The following FNIP1 variants were observed in gnomAD, a reference collection of about 807,000 sequenced individuals.
The protein encoded by FNIP1 is folliculin interacting protein 1.
Under a neutral mutation model 124.5 loss-of-function variants are expected in FNIP1, and 40 were observed. The ratio of observed to expected loss-of-function variants is 0.32; its 90% confidence interval spans 0.25 to 0.42. The LOEUF is 0.42. Among genes scored for constraint, FNIP1 ranks in the 10% least tolerant of loss-of-function variants. FNIP1 has a pLI of 1.00. For synonymous variants in FNIP1, 472 were observed against 470.6 expected, an observed-to-expected ratio of 1.00 and a Z score of -0.04; for missense variants, 1,176 against 1,403.7, an observed-to-expected ratio of 0.84 and a Z score of 2.59.
rs565574119 is a variant in FNIP1, at chr5:131,756,010, C to CA, written c.93-11321dup. Among the ~76,000 whole-genome samples the CA allele has an allele frequency of 3.7e-3, 413 of 112,038 alleles. 5 individuals carry two copies. The highest frequency in any genetic ancestry group is 0.025 in the South Asian group (89 of 3,580). The allele number at this position is 112,038 out of a possible 152,430, so 73.5% of individuals were successfully genotyped here. A position where few individuals can be genotyped will look rare whatever the true frequency, so the allele number is the denominator to read the frequency against. ...AGCCTGGGCGACAGAGAGACTGTGT[C>CA]AAAAAAAAAAAAAGGTTAATGAAGA... On this transcript the variant is annotated intron_variant, in intron 1 of 17. Transcript: ENST00000510461.
intron 13 of FNIP1, 23 bp from the exon 14 acceptor site, chr5:131,672,947 T>C (rs970120259): frequency 2.1e-5 from 32 of 1,488,896 alleles, no homozygotes; most frequent in Non-Finnish European, 2.7e-5. Flanking sequence ...AAATCAGTTA[T>C]TGGACATGTC....
Position 131,744,787 on chromosome 5 carries a change from A to C in FNIP1, c.93-97T>G, listed in dbSNP as rs532821712. The C allele has an allele frequency of 2.4e-5, 22 of 899,234 alleles. No homozygotes were observed. The South Asian group carries it at 7.4e-4, about 30-fold the overall frequency. The allele number at this position is 899,234 out of a possible 1,614,324, so 55.7% of individuals were successfully genotyped here. The stretch of plus-strand genomic sequence containing the variant: ...GAAATAAATCTATATAATAAAGCCC[A>C]AAATTATCTTATTGTTAAATAATAT... On this transcript the variant is annotated intron_variant, in intron 1 of 17. Transcript: ENST00000510461.
At chr5:131,786,512 C>T (rs1772224660) in intron 1 of FNIP1, among the ~76,000 whole-genome samples, 1 of 152,146 alleles carries the variant, frequency 6.6e-6, no homozygotes, top group African/African-American at 2.4e-5. Flanking sequence ...TAGAGGCTAC[C>T]ACTAGAGGAC....
rs114537216 is a variant in FNIP1 at position 131,765,780 on chromosome 5, T to C, written c.93-21090A>G. ...TTCAGCAGAATTTCATCCTTGACCT[T>C]CATGACACTTACTAAATACCCCACT... On this transcript the variant is annotated intron_variant, in intron 1 of 17. Transcript: ENST00000510461. Among the ~76,000 whole-genome samples the C allele has an allele frequency of 3.0e-3, 462 of 152,318 alleles. 2 individuals are homozygous for C. The highest frequency in any genetic ancestry group is 4.9e-3 in the Non-Finnish European group (336 of 68,034).
chr5:131,788,818 G>A (rs753688451), intron 1 of FNIP1, among the ~76,000 whole-genome samples: 6 of 151,674 alleles, frequency 4.0e-5, no homozygotes, highest in Non-Finnish European at 8.8e-5. Flanking sequence ...ACTACTTAGG[G>A]ATGAAAAAGC....
intron 1 of FNIP1, among the ~76,000 whole-genome samples, chr5:131,777,385 C>A (rs1771846101): frequency 1.3e-5 from 2 of 151,384 alleles, no homozygotes; most frequent in Admixed American, 1.3e-4. Flanking sequence ...CTGTTCCTAC[C>A]AAAAGGAACT....
At chr5:131,662,901 G>C (rs1174646578) in intron 15 of FNIP1, among the ~76,000 whole-genome samples, 1 of 151,952 alleles carries the variant, frequency 6.6e-6, no homozygotes, top group Non-Finnish European at 1.5e-5. Context: ...CATTGTGCCT[G>C]ATGGCTACTT....
intron 15 of FNIP1, among the ~76,000 whole-genome samples, chr5:131,657,736 CAAAAAAAA>C (rs59097834): frequency 3.1e-5 from 2 of 65,056 alleles, no homozygotes; most frequent in Non-Finnish European, 5.3e-5. Flanking sequence ...GAAAATAAGG[CAAAAAAAA>C]AAAAAAAAAA....
At chr5:131,653,896 C>T (rs1351593879) in intron 15 of FNIP1, among the ~76,000 whole-genome samples, 1 of 152,124 alleles carries the variant, frequency 6.6e-6, no homozygotes, top group African/African-American at 2.4e-5. Context: ...TGTGTGCCAC[C>T]ACGCCCGGCT....
chr5:131,760,353 T>C (rs780102561), intron 1 of FNIP1, among the ~76,000 whole-genome samples: 3 of 152,216 alleles, frequency 2.0e-5, no homozygotes, highest in Non-Finnish European at 2.9e-5. Flanking sequence ...TGTATCTCAA[T>C]ACATTAAAAA....
chr5:131,783,269 G>A (rs1440874368), intron 1 of FNIP1, among the ~76,000 whole-genome samples: 1 of 151,996 alleles, frequency 6.6e-6, no homozygotes, highest in Admixed American at 6.6e-5. Context: ...GGACTTCAGA[G>A]AAAGAGGTTG....
intron 11 of FNIP1, among the ~76,000 whole-genome samples, chr5:131,691,854 G>C (rs543904670): frequency 9.2e-5 from 14 of 152,172 alleles, no homozygotes; most frequent in African/African-American, 2.9e-4. Flanking sequence ...AGAATAAAGG[G>C]GAACTACCTC....
intron 2 of FNIP1, among the ~76,000 whole-genome samples, chr5:131,732,168 T>C (rs1580793214): frequency 6.6e-6 from 1 of 152,242 alleles, no homozygotes; most frequent in Admixed American, 6.5e-5. Context: ...CAGTGCTTTA[T>C]CACAGTTACC....
At chr5:131,671,470 A>T (rs377426503) in intron 14 of FNIP1, 35 bp downstream of exon 14, 289 of 1,490,306 alleles carry the variant, frequency 1.9e-4, no homozygotes, top group Non-Finnish European at 2.4e-4. Context: ...ACATATTTAT[A>T]TAGGGCCCAT....
chr5:131,787,899 T>C lies in FNIP1; in HGVS notation c.92+8931A>G, dbSNP rs6896913. ...GCCAACGTGGGACCACTGCTCGAAG[T>C]GAAGTTTGAGGCTGCAGTGAGCTAG... On this transcript the variant is annotated intron_variant, in intron 1 of 17. Transcript: ENST00000510461. 3.8e-3 allele frequency among the ~76,000 whole-genome samples: 572 copies of C among 152,220 alleles called. 4 individuals are homozygous for C. The highest frequency in any genetic ancestry group is 0.013 in the African/African-American group (559 of 41,526).
intron 1 of FNIP1, among the ~76,000 whole-genome samples, chr5:131,789,492 ATATT>A (rs1238829262): frequency 2.6e-5 from 4 of 152,180 alleles, no homozygotes; most frequent in Non-Finnish European, 5.9e-5. Context: ...GCACTACAGA[ATATT>A]TATCCTATAG....
Position 131,672,940 on chromosome 5 carries a change from T to C in FNIP1, c.1520-16A>G, listed in dbSNP as rs1345451119. ...TACAAGTCTCCTGTAATGGAAAAAATCAGTTATTGGACATGTCCTTTACTG... is the reference window on the plus strand; with the variant it reads ...TACAAGTCTCCTGTAATGGAAAAAACCAGTTATTGGACATGTCCTTTACTG... On this transcript the variant is annotated splice_polypyrimidine_tract_variant and intron_variant, in intron 13 of 17. Coordinates refer to ENST00000510461, the MANE Select transcript of FNIP1 (RefSeq NM_133372.3). The C allele has an allele frequency of 6.6e-7, 1 of 1,508,990 alleles. No individual in the cohort carries two copies. The highest frequency in any genetic ancestry group is 8.9e-7 in the Non-Finnish European group (1 of 1,128,566). 93.5% of individuals were successfully genotyped at this position (1,508,990 alleles called of 1,614,324 possible).
rs979646425 is a variant in FNIP1 at position 131,643,606 on chromosome 5, T to G, written c.*1079A>C. The G allele has an allele frequency of 1.3e-5, 2 of 152,502 alleles. No individual in the cohort carries two copies. Among genetic ancestry groups the G allele is most frequent in the Non-Finnish European group, 2.9e-5 (2 of 67,962 alleles). 9.4% of individuals were successfully genotyped at this position (152,502 alleles called of 1,614,324 possible). A position where few individuals can be genotyped will look rare whatever the true frequency, so the allele number is the denominator to read the frequency against. ...AAAGGCAACAATTGAGAAGTGAAAA[T>G]CTTTGAAAAAAATACACTTTTGGAA... On this transcript the variant is annotated 3_prime_UTR_variant, in exon 18 of 18. Coordinates refer to ENST00000510461, the MANE Select transcript of FNIP1 (RefSeq NM_133372.3).
In FNIP1 at chr5:131,651,795, T is replaced by G. The variant is rs1767047194; in HGVS notation, c.3306+7A>C. The G allele has an allele frequency of 6.2e-7, 1 of 1,613,366 alleles. No homozygotes were observed. The highest frequency in any genetic ancestry group is 1.7e-5 in the Admixed American group (1 of 59,972). On this transcript the variant is annotated splice_region_variant and intron_variant, in intron 16 of 17. Transcript: ENST00000510461. ...AAAGTAATGCAAGCAGTGTTACACA[T>G]ACTTACAAAATTTGGAGACAAGTTA... is the stretch of plus-strand genomic sequence containing the variant.
Sources: allele counts gnomAD v4.1 joint callset (sites outside exome capture counted in the v4.1 genomes callset), GRCh38; gene constraint gnomAD v4.1.1; transcripts MANE v1.5; gene names NCBI Gene and HGNC (gene_info 2026-07-23, HGNC 2026-07-21).